The following CABP2 variants were observed in gnomAD, a reference collection of about 807,000 sequenced individuals.
CABP2 encodes calcium binding protein 2.
A neutral mutation model predicts 28.6 loss-of-function variants in CABP2; 25 were observed. That is an observed-to-expected ratio of 0.87 (90% CI 0.64 to 1.22). The LOEUF (loss-of-function observed/expected upper bound fraction) is 1.22, where lower values mean the gene tolerates loss of function less well. CABP2 is among the 50% of genes most tolerant of loss of function. The pLI is 0.00. For missense variants in CABP2, 310 were observed against 312.2 expected (o/e 0.99, Z 0.05); for synonymous variants, 138 against 126.0 (o/e 1.09, Z -0.64).
rs1866763246 is a variant in CABP2, at chr11:67,522,581, T to C, written c.178A>G (p.Ile60Val). The C allele has an allele frequency of 1.3e-6, 2 of 1,554,750 alleles. No individual in the cohort carries two copies. The highest frequency in any genetic ancestry group is 1.7e-6 in the Non-Finnish European group (2 of 1,148,970). Reference protein sequence around the residue: ...VLNSLVGPACIFLRPSIAATQ... With the variant: ...VLNSLVGPACVFLRPSIAATQ... ...GCGGCAATGCTGGGCCGCAGGAAGA[T>C]GCAGGCAGGCCCCACCAGGCTGTTG... Residue 60 changes from isoleucine (I) to valine (V), a missense_variant, in exon 2 of 7, where the codon ATC becomes GTC. Physicochemically the swap from Ile to Val is conservative, Grantham distance 29. Transcript: ENST00000294288.
chr11:67,522,204 G>A (rs561328889), intron 2 of CABP2, among the ~76,000 whole-genome samples: 40 of 152,232 alleles, frequency 2.6e-4, no homozygotes, highest in Middle Eastern at 6.8e-3. Context: ...TCCTTGGGCC[G>A]TCCTCACCTA....
At chr11:67,520,292 C>G (rs1866729179) in intron 4 of CABP2, 132 bp from the exon 5 acceptor site, 5 of 626,670 alleles carry the variant, frequency 8.0e-6, no homozygotes, top group Non-Finnish European at 1.4e-5. Flanking sequence ...CCTGGGTCAT[C>G]TGTATTTCCC....
At chr11:67,522,477 G>A in intron 2 of CABP2, 69 bp downstream of exon 2, 1 of 1,507,542 alleles carries the variant, frequency 6.6e-7, no homozygotes. Flanking sequence ...AGTGCGAGGG[G>A]CAAGGGCAGG....
chr11:67,518,988 T>G lies in CABP2; in HGVS notation c.*151A>C. 1.4e-6 allele frequency: 1 copy of G among 701,884 alleles called. No individual in the cohort carries two copies. Among genetic ancestry groups the G allele is most frequent in the Non-Finnish European group, 2.5e-6 (1 of 399,886 alleles). 43.5% of individuals were successfully genotyped at this position (701,884 alleles called of 1,614,324 possible). A position where few individuals can be genotyped will look rare whatever the true frequency, so the allele number is the denominator to read the frequency against. On this transcript the variant is annotated 3_prime_UTR_variant, in exon 7 of 7. Transcript: ENST00000294288. ...GGCGGCTTTATTGGAGAAGTGGTGG[T>G]GGGGGTGAAGGCAGGCAAGGGCACT...
chr11:67,521,288 CT>C, intron 3 of CABP2, 129 bp from the exon 4 acceptor site: 1 of 909,104 alleles, frequency 1.1e-6, no homozygotes, highest in Non-Finnish European at 1.6e-6. Context: ...GCCTCGGGGC[CT>C]TTGCACGTGC....
intron 4 of CABP2, 68 bp from the exon 5 acceptor site, chr11:67,520,228 C>T: frequency 2.1e-6 from 2 of 948,414 alleles, no homozygotes; most frequent in Non-Finnish European, 3.4e-6. Context: ...CCTCCCTCCT[C>T]TGCCCTCTGC....
rs747083299 is a variant in CABP2 at position 67,521,997 on chromosome 11, G to A, written c.214-15C>T. ...AGCTCCCGGTCCTGAAGGGCACAGA[G>A]GGGTTAGGAATTCCCTGCTCCTACT... is the stretch of plus-strand genomic sequence containing the variant. On this transcript the variant is annotated splice_polypyrimidine_tract_variant and intron_variant, in intron 2 of 6. Transcript: ENST00000294288. 14 of 1,611,292 alleles carry A rather than the reference G, an allele frequency of 8.7e-6. No individual in the cohort carries two copies. The African/African-American group carries it at 9.4e-5, about 11-fold the overall frequency.
At position 67,522,694 on chromosome 11, in the gene CABP2, G is replaced by C; in HGVS notation, c.65C>G (p.Ser22Cys). The C allele has an allele frequency of 6.6e-7, 1 of 1,513,008 alleles. No individual in the cohort carries two copies. The highest frequency in any genetic ancestry group is 8.9e-7 in the Non-Finnish European group (1 of 1,126,636). The allele number at this position is 1,513,008 out of a possible 1,614,324, so 93.7% of individuals were successfully genotyped here. A position where few individuals can be genotyped will look rare whatever the true frequency, so the allele number is the denominator to read the frequency against. The stretch of plus-strand genomic sequence containing the variant: ...GCTGGGGCAGGAGCCCCTTGGTGGG[G>C]AGCCGAGCCACTGCAAGGGGTCCTG... ...GPKDPLQWLG[S>C]PPRGSCPSPS... Residue 22 changes from serine to cysteine, a missense_variant, in exon 2 of 7, where the codon TCC becomes TGC. Transcript: ENST00000294288.
rs779624248 is a variant in CABP2 at position 67,521,100 on chromosome 11, C to T, written c.304G>A (p.Glu102Lys). The T allele has an allele frequency of 2.5e-6, 4 of 1,613,810 alleles. No homozygotes were observed. The South Asian group carries it at 3.3e-5, about 13-fold the overall frequency. ...AGGGTCCGCATGCAGGCACCCAGCT[C>T]CCGGCAGCCAATGTAGCCGTCCCGG... ...RDRDGYIGCR[E>K]LGACMRTLGY... The change falls in exon 4 of 7, where the codon GAG becomes AAG. Residue 102 changes from glutamate to lysine, a missense_variant. Coordinates refer to ENST00000294288, the MANE Select transcript of CABP2 (RefSeq NM_016366.3).
In CABP2 at chr11:67,523,257, C is replaced by T. The variant is rs114505827; in HGVS notation, c.42+28G>A. The T allele has an allele frequency of 3.4e-4, 512 of 1,522,370 alleles. 1 individual carries two copies. The African/African-American group carries it at 6.3e-3, about 19-fold the overall frequency. 94.3% of individuals were successfully genotyped at this position (1,522,370 alleles called of 1,614,324 possible). On this transcript the variant is annotated intron_variant, in intron 1 of 6. Coordinates refer to ENST00000294288, the MANE Select transcript of CABP2 (RefSeq NM_016366.3). ...CTCAGGGTCCATTCCAGCCTCCTGG[C>T]CTGGGTTTCTCCCCTGACCCCTCCT...
chr11:67,521,396 C>T (rs61889873), intron 3 of CABP2, among the ~76,000 whole-genome samples: 23 of 152,232 alleles, frequency 1.5e-4, no homozygotes, highest in Non-Finnish European at 2.6e-4. Context: ...TGAAATTTTT[C>T]AAAAAGGAAG....
intron 6 of CABP2, 121 bp from the exon 7 acceptor site, chr11:67,519,285 C>T: frequency 1.1e-6 from 1 of 944,184 alleles, no homozygotes; most frequent in Non-Finnish European, 1.7e-6. Flanking sequence ...AGGGCATCCT[C>T]TGGATCTGAT....
At position 67,520,128 on chromosome 11, in the gene CABP2, C is replaced by T. The variant is rs761665108; in HGVS notation, c.412G>A (p.Glu138Lys). 6.2e-7 allele frequency: 1 copy of T among 1,613,980 alleles called. No individual in the cohort carries two copies. Among genetic ancestry groups the T allele is most frequent in the East Asian group, 2.2e-5 (1 of 44,882 alleles). Residue 138 changes from glutamate to lysine, a missense_variant, in exon 5 of 7, where the codon GAG becomes AAG. Transcript: ENST00000294288. ...GCCAGCAGCTTGGGGCCCATCAGCT[C>T]CACGAAGTCTTCAAAGTCCACCTTT... ...GGKVDFEDFV[E>K]LMGPKLLAET...
At position 67,520,063 on chromosome 11, in the gene CABP2, G is replaced by C. The variant is rs1337716487; in HGVS notation, c.477C>G (p.Asp159Glu). Residue 159 changes from aspartate to glutamate, a missense_variant, in exon 5 of 7, where the codon GAC (aspartate) becomes GAG (glutamate). Transcript: ENST00000294288. ...CCAGTGGCCGCACCTCCCGGAAGGC[G>C]TCCCGTAGCTCCCGGACACCGATCA... ...ADMIGVRELR[D>E]AFREFDTNGD... is the part of the protein sequence containing the mutation. The C allele has an allele frequency of 1.2e-6, 2 of 1,612,594 alleles. No individual in the cohort carries two copies. The highest frequency in any genetic ancestry group is 1.7e-5 in the Admixed American group (1 of 60,024).
chr11:67,521,851 A>C, intron 3 of CABP2, 101 bp downstream of exon 3: 2 of 1,034,110 alleles, frequency 1.9e-6, no homozygotes, highest in Non-Finnish European at 2.9e-6. Flanking sequence ...TCCTGGAAAC[A>C]CTGAGGCCCC....
intron 5 of CABP2, 39 bp from the exon 6 acceptor site, chr11:67,519,979 T>C (rs1866721545): frequency 1.3e-6 from 2 of 1,598,112 alleles, no homozygotes; most frequent in African/African-American, 2.7e-5. Flanking sequence ...TCACTGACAG[T>C]CATTCACACG....
intron 1 of CABP2, 68 bp from the exon 2 acceptor site, chr11:67,522,784 T>C (rs935015282): frequency 5.2e-6 from 7 of 1,348,254 alleles, no homozygotes; most frequent in African/African-American, 1.5e-5. Flanking sequence ...CCCTCCCCAC[T>C]CCTCTCACCA....
In CABP2 at chr11:67,522,823, G is replaced by T; in HGVS notation, c.43-107C>A. 4 of 1,041,076 alleles carry T rather than the reference G, an allele frequency of 3.8e-6. No individual in the cohort carries two copies. In the South Asian group the frequency reaches 5.1e-5, roughly 13 times the overall value. 64.5% of individuals were successfully genotyped at this position (1,041,076 alleles called of 1,614,324 possible). A position where few individuals can be genotyped will look rare whatever the true frequency, so the allele number is the denominator to read the frequency against. On this transcript the variant is annotated intron_variant, in intron 1 of 6. Coordinates refer to ENST00000294288, the MANE Select transcript of CABP2 (RefSeq NM_016366.3). ...GCTCCTGTCTTTGGAGCCCGGCATG[G>T]GACAGTAGGGAAGGGGCTGGGGGGT...
Position 67,520,096 on chromosome 11 carries a change from C to A in CABP2, c.444G>T (p.Thr148=). The change falls in exon 5 of 7, where the codon ACG becomes ACT. Residue 148 remains threonine, a synonymous_variant. Transcript: ENST00000294288. The part of the protein sequence containing the change: ...ELMGPKLLAE[T]ADMIGVRELR... ...GCTCCCGGACACCGATCATGTCTGCCGTCTCTGCCAGCAGCTTGGGGCCCA... is the reference window on the plus strand; with the variant it reads ...GCTCCCGGACACCGATCATGTCTGCAGTCTCTGCCAGCAGCTTGGGGCCCA... The A allele has an allele frequency of 6.2e-7, 1 of 1,613,850 alleles. No individual in the cohort carries two copies. Among genetic ancestry groups the A allele is most frequent in the South Asian group, 1.1e-5 (1 of 91,080 alleles).
Sources: gnomAD v4.1 joint callset for allele counts (sites outside exome capture counted in the v4.1 genomes callset) on GRCh38, gnomAD v4.1.1 for gene constraint, MANE v1.5 for transcripts, NCBI Gene and HGNC (gene_info 2026-07-23, HGNC 2026-07-21) for gene names.